NDST4: variants seen among roughly 807,000 people sequenced by gnomAD.
NDST4 encodes N-deacetylase and N-sulfotransferase 4, also known as N-heparan sulfate sulfotransferase 4.
NDST4 carries 63 observed loss-of-function variants against 100.8 expected under a neutral mutation model. The ratio of observed to expected loss-of-function variants is 0.62; its 90% CI spans 0.51 to 0.77. NDST4 has a LOEUF of 0.77. NDST4 is among the 30% of genes least tolerant of loss of function. NDST4 has a pLI of 0.00. For synonymous variants in NDST4, 377 were observed against 361.8 expected (o/e 1.04, Z -0.48); for missense variants, 943 against 1,018.4 (o/e 0.93, Z 1.01).
intron 7 of NDST4, among the ~76,000 whole-genome samples, chr4:114,867,664 G>GAAAAAAAAA (rs1491405935): frequency 1.9e-4 from 5 of 26,082 alleles, no homozygotes; most frequent in East Asian, 1.8e-3. Context: ...AAAAAAAAAA[G>GAAAAAAAAA]CAAAAAAAAA....
chr4:115,077,652 T>C (rs956731091), intron 1 of NDST4, among the ~76,000 whole-genome samples: 4 of 152,164 alleles, frequency 2.6e-5, no homozygotes, highest in Non-Finnish European at 4.4e-5. Flanking sequence ...ATTATATACA[T>C]ATAAAATTAG....
chr4:114,975,104 A>C (rs1418540053), intron 3 of NDST4, among the ~76,000 whole-genome samples: 2 of 152,106 alleles, frequency 1.3e-5, no homozygotes, highest in African/African-American at 4.8e-5. Context: ...GATAGGGGTA[A>C]GGCACGTCTT....
chr4:114,958,385 T>C (rs1726186297), intron 4 of NDST4, among the ~76,000 whole-genome samples: 1 of 147,730 alleles, frequency 6.8e-6, no homozygotes, highest in Non-Finnish European at 1.5e-5. Context: ...ATGTTCCTCA[T>C]CTCCATCTGA....
intron 1 of NDST4, among the ~76,000 whole-genome samples, chr4:115,103,298 G>C (rs1729769691): frequency 1.3e-5 from 2 of 152,134 alleles, no homozygotes; most frequent in Admixed American, 6.6e-5. Context: ...CTCAAGGGAT[G>C]AATGAATGAA....
At chr4:115,062,604 A>G (rs1373955371) in intron 2 of NDST4, among the ~76,000 whole-genome samples, 2 of 151,738 alleles carry the variant, frequency 1.3e-5, no homozygotes, top group African/African-American at 4.8e-5. Flanking sequence ...TCAGGCATTA[A>G]CATGCAGACT....
At chr4:115,078,859 CA>C (rs201966756) in intron 1 of NDST4, among the ~76,000 whole-genome samples, 1,670 of 151,666 alleles carry the variant, frequency 0.011, 15 homozygotes, top group African/African-American at 0.02. Flanking sequence ...AACCCCCGCC[CA>C]AAAAAAGTGA....
At chr4:115,062,771 T>A (rs1189351861) in intron 2 of NDST4, among the ~76,000 whole-genome samples, 1 of 151,920 alleles carries the variant, frequency 6.6e-6, no homozygotes, top group African/African-American at 2.4e-5. Context: ...ATAAAAATTT[T>A]AATGTTTGAC....
intron 6 of NDST4, among the ~76,000 whole-genome samples, chr4:114,898,033 T>G (rs1016281386): frequency 2.6e-5 from 4 of 152,192 alleles, no homozygotes; most frequent in African/African-American, 9.6e-5. Context: ...GATGCTGTAT[T>G]TCGCATAGTA....
At chr4:115,041,834 T>G (rs553771937) in intron 2 of NDST4, among the ~76,000 whole-genome samples, 1 of 152,178 alleles carries the variant, frequency 6.6e-6, no homozygotes, top group South Asian at 2.1e-4. Context: ...CCTCAGATAT[T>G]TATGAAGGTA....
At chr4:115,060,966 T>C (rs1728806508) in intron 2 of NDST4, among the ~76,000 whole-genome samples, 1 of 151,980 alleles carries the variant, frequency 6.6e-6, no homozygotes, top group Non-Finnish European at 1.5e-5. Context: ...CTTAAACAAA[T>C]TTACAAGAAA....
At chr4:114,938,602 TG>T (rs1324462347) in intron 4 of NDST4, among the ~76,000 whole-genome samples, 2 of 152,328 alleles carry the variant, frequency 1.3e-5, no homozygotes, top group Non-Finnish European at 2.9e-5. Context: ...ACAAAAGTGT[TG>T]ACTTGACAAT....
chr4:114,994,832 CACTA>C (rs1727125247), intron 2 of NDST4, among the ~76,000 whole-genome samples: 1 of 151,966 alleles, frequency 6.6e-6, no homozygotes, highest in South Asian at 2.1e-4. Flanking sequence ...AACAAGCCAT[CACTA>C]ACTATTTATG....
chr4:114,991,777 A>C (rs1030483047), intron 2 of NDST4, among the ~76,000 whole-genome samples: 6 of 152,064 alleles, frequency 3.9e-5, no homozygotes, highest in African/African-American at 1.4e-4. Flanking sequence ...CTTATATTAC[A>C]AACCAAAAAT....
chr4:115,001,043 T>C (rs1727279304), intron 2 of NDST4, among the ~76,000 whole-genome samples: 1 of 152,068 alleles, frequency 6.6e-6, no homozygotes, highest in South Asian at 2.1e-4. Context: ...CCACTCTTCA[T>C]CTCCCTCAAA....
At chr4:114,840,300 T>G (rs532233351) in intron 10 of NDST4, among the ~76,000 whole-genome samples, 98 of 152,276 alleles carry the variant, frequency 6.4e-4, no homozygotes, top group Middle Eastern at 6.8e-3. Context: ...CAGTGAGAGA[T>G]AAATTTAACA....
At chr4:114,880,090 C>G (rs989514731) in intron 6 of NDST4, among the ~76,000 whole-genome samples, 1 of 152,152 alleles carries the variant, frequency 6.6e-6, no homozygotes, top group Non-Finnish European at 1.5e-5. Context: ...GTAAATAGGG[C>G]AGCTGTTCTA....
At chr4:115,038,509 C>T (rs1200528855) in intron 2 of NDST4, among the ~76,000 whole-genome samples, 1 of 152,094 alleles carries the variant, frequency 6.6e-6, no homozygotes, top group Admixed American at 6.6e-5. Flanking sequence ...GCTTAATACC[C>T]ACTCACTGAA....
intron 4 of NDST4, among the ~76,000 whole-genome samples, chr4:114,964,435 T>C (rs1217142928): frequency 6.6e-6 from 1 of 152,198 alleles, no homozygotes; most frequent in Non-Finnish European, 1.5e-5. Context: ...GTCTTTATAG[T>C]CTAAGTAACT....
intron 7 of NDST4, among the ~76,000 whole-genome samples, chr4:114,867,683 G>GAAAAAAAAAAAAAAAAAAAAAT (rs1724063814): frequency 1.5e-5 from 1 of 66,920 alleles, no homozygotes; most frequent in Non-Finnish European, 3.0e-5. Flanking sequence ...AAAAAAAAAA[G>GAAAAAAAAAAAAAAAAAAAAAT]AAAGAAAAGA....
Sources: gnomAD v4.1 joint callset for allele counts (sites outside exome capture counted in the v4.1 genomes callset) on GRCh38, gnomAD v4.1.1 for gene constraint, MANE v1.5 for transcripts, NCBI Gene and HGNC (gene_info 2026-07-23, HGNC 2026-07-21) for gene names.